PAM: variants seen among roughly 807,000 people sequenced by gnomAD.
PAM encodes peptidyl-glycine alpha-amidating monooxygenase.
A neutral mutation model predicts 122.1 loss-of-function variants in PAM; 72 were observed. That is an observed-to-expected ratio of 0.59 (90% CI 0.49 to 0.72). The LOEUF (loss-of-function observed/expected upper bound fraction) is 0.72, where lower values mean the gene tolerates loss of function less well. Ranked by LOEUF, PAM falls within the 30% of genes least tolerant of loss-of-function variation. The pLI is 0.00. For synonymous variants in PAM, 389 were observed against 404.4 expected (o/e 0.96, Z 0.46); for missense variants, 1,106 against 1,183.7 (o/e 0.93, Z 0.96).
intron 15 of PAM, among the ~76,000 whole-genome samples, chr5:102,988,703 AAGAG>A (rs139528650): frequency 1.4e-5 from 2 of 147,700 alleles, no homozygotes; most frequent in Non-Finnish European, 3.0e-5. Flanking sequence ...AAGAAAGAGA[AAGAG>A]AAAGAAAGAA....
chr5:102,832,134 T>C (rs1775658193), intron 1 of PAM, among the ~76,000 whole-genome samples: 1 of 152,164 alleles, frequency 6.6e-6, no homozygotes, highest in Non-Finnish European at 1.5e-5. Flanking sequence ...AACTTTGAAG[T>C]GTGTCATGGC....
At chr5:102,801,076 G>A (rs1764597890) in intron 1 of PAM, among the ~76,000 whole-genome samples, 1 of 152,022 alleles carries the variant, frequency 6.6e-6, no homozygotes, top group Admixed American at 6.6e-5. Context: ...CTTTTTGTGA[G>A]TTTGCATTAA....
Position 103,026,836 on chromosome 5 carries a change from C to CT in PAM, c.2690-1348dup, listed in dbSNP as rs536256916. 1.8e-4 allele frequency among the ~76,000 whole-genome samples: 28 copies of CT among 152,214 alleles called. No homozygotes were observed. In the South Asian group the frequency reaches 5.0e-3, roughly 27 times the overall value. On this transcript the variant is annotated intron_variant, in intron 24 of 25. Coordinates refer to ENST00000438793, the MANE Select transcript of PAM (RefSeq NM_001177306.2). Reference sequence around the variant, plus strand: ...CACAGAGTAGTAGGAACAGTGGGGCCTAGGGGAAGGTGGCAGGAATTGTGG... The same window carrying CT: ...CACAGAGTAGTAGGAACAGTGGGGCCTTAGGGGAAGGTGGCAGGAATTGTGG...
intron 15 of PAM, among the ~76,000 whole-genome samples, chr5:102,989,456 GT>G (rs1262106282): frequency 6.6e-6 from 1 of 152,170 alleles, no homozygotes; most frequent in Non-Finnish European, 1.5e-5. Flanking sequence ...TCAGTGAGCT[GT>G]GACTGTACCA....
At chr5:102,783,203 A>G (rs1759523393) in intron 1 of PAM, among the ~76,000 whole-genome samples, 1 of 150,820 alleles carries the variant, frequency 6.6e-6, no homozygotes, top group South Asian at 2.1e-4. Context: ...GTTCAAAATG[A>G]AAATGTGGGT....
intron 7 of PAM, among the ~76,000 whole-genome samples, chr5:102,944,782 C>A (rs1197091699): frequency 6.6e-6 from 1 of 152,164 alleles, no homozygotes; most frequent in East Asian, 1.9e-4. Flanking sequence ...ACTAAAATTT[C>A]TTTGCTTCAC....
intron 4 of PAM, among the ~76,000 whole-genome samples, chr5:102,906,112 C>T (rs936960252): frequency 5.3e-5 from 8 of 151,738 alleles, no homozygotes; most frequent in Middle Eastern, 3.4e-3. Flanking sequence ...AAATTGACAA[C>T]GTCCAACATC....
intron 1 of PAM, among the ~76,000 whole-genome samples, chr5:102,855,995 T>C (rs1210280573): frequency 6.6e-6 from 1 of 152,174 alleles, no homozygotes; most frequent in Non-Finnish European, 1.5e-5. Flanking sequence ...ATTCACACTT[T>C]TTTTGAAAAA....
chr5:102,906,942 G>A lies in PAM; in HGVS notation c.268+5529G>A, dbSNP rs894896317. Among the ~76,000 whole-genome samples, 11 of 151,822 alleles carry A rather than the reference G, an allele frequency of 7.2e-5. 1 individual carries two copies. The Middle Eastern group carries it at 0.01, about 141-fold the overall frequency. On this transcript the variant is annotated intron_variant, in intron 4 of 25. Coordinates refer to ENST00000438793, the MANE Select transcript of PAM (RefSeq NM_001177306.2). ...AGCTTATGCTGTTTTATCTTGCATA[G>A]CTTGGCTGATGAAGTCTATTGATTC...
chr5:102,940,020 G>A (rs2151887182), intron 7 of PAM, among the ~76,000 whole-genome samples: 1 of 151,812 alleles, frequency 6.6e-6, no homozygotes, highest in East Asian at 1.9e-4. Context: ...AGTCTTTAGA[G>A]GTTTAAGTAA....
At position 102,864,184 on chromosome 5, in the gene PAM, ATTT is replaced by A. The variant is rs201056087; in HGVS notation, c.-373-1627_-373-1625del. Among the ~76,000 whole-genome samples the A allele has an allele frequency of 4.6e-3, 613 of 133,680 alleles. 5 individuals are homozygous for A. Among genetic ancestry groups the A allele is most frequent in the African/African-American group, 0.016 (545 of 35,118 alleles). The allele number at this position is 133,680 out of a possible 152,430, so 87.7% of individuals were successfully genotyped here. A position where few individuals can be genotyped will look rare whatever the true frequency, so the allele number is the denominator to read the frequency against. On this transcript the variant is annotated intron_variant, in intron 1 of 25. Transcript: ENST00000438793. ...TCTTCATATATATATATATATATAT[ATTT>A]TTTTTTTTTTTAAAGAACTTCAGGG...
intron 16 of PAM, among the ~76,000 whole-genome samples, chr5:102,996,196 G>C (rs1775648268): frequency 6.6e-6 from 1 of 152,106 alleles, no homozygotes; most frequent in African/African-American, 2.4e-5. Flanking sequence ...CTAAAATAAA[G>C]AACTGATGAA....
chr5:102,984,014 C>G (rs931081713), intron 15 of PAM, among the ~76,000 whole-genome samples: 5 of 152,132 alleles, frequency 3.3e-5, no homozygotes, highest in African/African-American at 1.2e-4. Context: ...ATAAAGAAGT[C>G]CAGATTTTAC....
intron 1 of PAM, among the ~76,000 whole-genome samples, chr5:102,773,495 T>G (rs1471706793): frequency 6.6e-6 from 1 of 152,114 alleles, no homozygotes; most frequent in Non-Finnish European, 1.5e-5. Context: ...TGAAATTAAA[T>G]TTTATATGAT....
At chr5:102,755,588 C>G (rs1385755712) in intron 1 of PAM, 3 of 152,272 alleles carry the variant, frequency 2.0e-5, no homozygotes, top group Non-Finnish European at 4.4e-5. Context: ...CCAAACCTCT[C>G]TCACGACCCT....
chr5:103,030,307 C>T (rs186340692), downstream of PAM: 6 of 152,316 alleles, frequency 3.9e-5, no homozygotes, highest in African/African-American at 1.2e-4. Context: ...TCATCTTTTA[C>T]AGTGATTGCA....
chr5:102,765,791 C>G (rs1449568502), intron 1 of PAM, among the ~76,000 whole-genome samples: 14 of 152,134 alleles, frequency 9.2e-5, no homozygotes, highest in Admixed American at 9.2e-4. Context: ...ATCATCTTTC[C>G]TGTCTTCCTC....
chr5:102,807,404 A>T (rs977138360), intron 1 of PAM, among the ~76,000 whole-genome samples: 2 of 152,144 alleles, frequency 1.3e-5, no homozygotes, highest in Non-Finnish European at 2.9e-5. Flanking sequence ...TTAAAGGGAG[A>T]TTTAAATTAT....
chr5:102,836,859 CGA>C (rs57617414), intron 1 of PAM, among the ~76,000 whole-genome samples: 29,305 of 120,456 alleles, frequency 0.24, 3,193 homozygotes, highest in Non-Finnish European at 0.3. Context: ...AGAAAGAAAC[CGA>C]GAGAGAGAGA....
Sources: allele counts gnomAD v4.1 joint callset (sites outside exome capture counted in the v4.1 genomes callset), GRCh38; gene constraint gnomAD v4.1.1; transcripts MANE v1.5; gene names NCBI Gene and HGNC (gene_info 2026-07-23, HGNC 2026-07-21).